The following SLC9C2 variants were observed in gnomAD, a reference collection of about 807,000 sequenced individuals.
The protein encoded by SLC9C2 is solute carrier family 9 member C2 (putative), also known as sodium/hydrogen exchanger 11.
A neutral mutation model predicts 140.2 loss-of-function variants in SLC9C2; 75 were observed. The ratio of observed to expected loss-of-function variants is 0.53; its 90% CI spans 0.44 to 0.65. SLC9C2 has a LOEUF of 0.65. Among genes scored for constraint, SLC9C2 ranks in the 30% least tolerant of loss-of-function variants. The pLI is 0.00. For synonymous variants in SLC9C2, 375 were observed against 420.9 expected, an observed-to-expected ratio of 0.89 and a Z score of 1.34; for missense variants, 1,074 against 1,331.8, an observed-to-expected ratio of 0.81 and a Z score of 3.01.
At chr1:173,548,917 C>G (rs1234046795) in intron 11 of SLC9C2, among the ~76,000 whole-genome samples, 1 of 152,138 alleles carries the variant, frequency 6.6e-6, no homozygotes, top group Non-Finnish European at 1.5e-5. Context: ...CACTCCATAC[C>G]TACAGAATCA....
chr1:173,517,547 G>C lies in SLC9C2; in HGVS notation c.2897C>G (p.Thr966Ser), dbSNP rs1352213464. 4 of 1,602,110 alleles carry C rather than the reference G, an allele frequency of 2.5e-6. No homozygotes were observed. Among genetic ancestry groups the C allele is most frequent in the Non-Finnish European group, 3.4e-6 (4 of 1,176,518 alleles). The change falls in exon 23 of 28, where the codon ACT becomes AGT. Residue 966 changes from threonine to serine, a missense_variant. Physicochemically the swap from Thr to Ser is moderately conservative, Grantham distance 58. Transcript: ENST00000367714. ...GAACCATTTTCCTACCTGTAAACTA[G>C]TTTCACAGATGACGGTATATTCAAT... ...REIEYTVICETSLQACFISLE... is the reference protein window; with the variant it reads ...REIEYTVICESSLQACFISLE...
chr1:173,535,247 C>T (rs902147468), intron 15 of SLC9C2, among the ~76,000 whole-genome samples: 7 of 152,194 alleles, frequency 4.6e-5, no homozygotes, highest in Non-Finnish European at 7.4e-5. Context: ...GCAGCATTAA[C>T]GCCCTTGGTA....
intron 17 of SLC9C2, 118 bp from the exon 18 acceptor site, chr1:173,530,172 G>A: frequency 1.1e-6 from 1 of 871,102 alleles, no homozygotes; most frequent in Non-Finnish European, 1.7e-6. Flanking sequence ...CCACAAACTT[G>A]TTAGGAATGC....
At position 173,521,402 on chromosome 1, in the gene SLC9C2, G is replaced by A. The variant is rs1206805382; in HGVS notation, c.2641-3C>T. 2.1e-6 allele frequency: 3 copies of A among 1,453,138 alleles called. No homozygotes were observed. Among genetic ancestry groups the A allele is most frequent in the South Asian group, 1.6e-5 (1 of 63,410 alleles). The allele number at this position is 1,453,138 out of a possible 1,614,324, so 90.0% of individuals were successfully genotyped here. On this transcript the variant is annotated splice_polypyrimidine_tract_variant and splice_region_variant and intron_variant, in intron 21 of 27. Coordinates refer to ENST00000367714, the MANE Select transcript of SLC9C2 (RefSeq NM_178527.4). ...AAACAGGCAAGTTTGGCTCTTTCCTGAGTGGGAAAAAAAAAAACGAAAAGA... is the reference window on the plus strand; with the variant it reads ...AAACAGGCAAGTTTGGCTCTTTCCTAAGTGGGAAAAAAAAAAACGAAAAGA...
Position 173,571,893 on chromosome 1 carries a change from A to G in SLC9C2, c.1046+1289T>C, listed in dbSNP as rs545971347. On this transcript the variant is annotated intron_variant, in intron 9 of 27. Coordinates refer to ENST00000367714, the MANE Select transcript of SLC9C2 (RefSeq NM_178527.4). ...AATCCTTTCATTATTCTGAAGCTTC[A>G]AAAGTTGTGTCTTATCCTGAGAAAA... 1.7e-3 allele frequency among the ~76,000 whole-genome samples: 264 copies of G among 152,312 alleles called. 1 individual carries two copies. The highest frequency in any genetic ancestry group is 5.7e-3 in the African/African-American group (237 of 41,586).
chr1:173,509,545 A>C (rs1424734554), intron 24 of SLC9C2, 23 bp downstream of exon 24: 1 of 1,479,504 alleles, frequency 6.8e-7, no homozygotes, highest in Admixed American at 2.8e-5. Context: ...TCAATTTATT[A>C]ATATTTTAAT....
chr1:173,514,381 G>A (rs12074796), intron 23 of SLC9C2, among the ~76,000 whole-genome samples: 1 of 152,122 alleles, frequency 6.6e-6, no homozygotes, highest in Non-Finnish European at 1.5e-5. Context: ...AGCTCTTCTT[G>A]TTGAATTGAT....
intron 3 of SLC9C2, 127 bp downstream of exon 3, chr1:173,599,990 C>T: frequency 1.9e-6 from 1 of 540,326 alleles, no homozygotes. Flanking sequence ...TTTTTAATAC[C>T]AGATAAAATT....
chr1:173,531,336 T>A (rs1661571195), intron 17 of SLC9C2, among the ~76,000 whole-genome samples: 1 of 152,142 alleles, frequency 6.6e-6, no homozygotes, highest in African/African-American at 2.4e-5. Context: ...TTTTGTAAAG[T>A]CCCTAATTAG....
chr1:173,501,948 T>C (rs542394685), intron 27 of SLC9C2, among the ~76,000 whole-genome samples: 3 of 152,212 alleles, frequency 2.0e-5, no homozygotes, highest in African/African-American at 7.2e-5. Flanking sequence ...GGTGGCTGTC[T>C]AGTTGGGGAT....
At chr1:173,533,554 A>G in intron 17 of SLC9C2, 55 bp downstream of exon 17, 1 of 1,349,372 alleles carries the variant, frequency 7.4e-7, no homozygotes, top group East Asian at 2.3e-5. Flanking sequence ...CTGGGATTAT[A>G]GGTGTGAGCT....
chr1:173,565,657 G>GT lies in SLC9C2; in HGVS notation c.1046+7524dup, dbSNP rs202204612. Among the ~76,000 whole-genome samples, 403 of 151,730 alleles carry GT rather than the reference G, an allele frequency of 2.7e-3. 2 individuals are homozygous for GT. The highest frequency in any genetic ancestry group is 0.018 in the East Asian group (91 of 5,174). On this transcript the variant is annotated intron_variant, in intron 9 of 27. Coordinates refer to ENST00000367714, the MANE Select transcript of SLC9C2 (RefSeq NM_178527.4). The stretch of plus-strand genomic sequence containing the variant: ...TAAGTAATGTGATTCCTCCACTTTT[G>GT]TTTTTTTTGCTCAGATTACCTTTGG...
At chr1:173,541,236 C>G (rs1190855017) in intron 13 of SLC9C2, among the ~76,000 whole-genome samples, 1 of 150,626 alleles carries the variant, frequency 6.6e-6, no homozygotes, top group Non-Finnish European at 1.5e-5. Flanking sequence ...AGACTTTAAA[C>G]CAACAAACAT....
At chr1:173,539,424 GAT>G (rs1662211592) in intron 13 of SLC9C2, among the ~76,000 whole-genome samples, 1 of 152,194 alleles carries the variant, frequency 6.6e-6, no homozygotes, top group African/African-American at 2.4e-5. Flanking sequence ...CTTGGAGAAG[GAT>G]AGAGGAAGAG....
intron 7 of SLC9C2, among the ~76,000 whole-genome samples, chr1:173,577,679 A>G (rs1259904071): frequency 1.3e-5 from 2 of 152,232 alleles, no homozygotes; most frequent in Non-Finnish European, 2.9e-5. Flanking sequence ...TATGACTCAT[A>G]CAGTTGTGAA....
At chr1:173,513,577 T>C (rs1558016963) in intron 23 of SLC9C2, among the ~76,000 whole-genome samples, 1 of 152,170 alleles carries the variant, frequency 6.6e-6, no homozygotes, top group Non-Finnish European at 1.5e-5. Context: ...TAGCGGTCTA[T>C]TTTGTTAATT....
At chr1:173,601,614 G>A in intron 2 of SLC9C2, 36 bp downstream of exon 2, 1 of 1,606,652 alleles carries the variant, frequency 6.2e-7, no homozygotes, top group Non-Finnish European at 8.5e-7. Context: ...GGTTCACAGG[G>A]CAGAGGAAAG....
At chr1:173,601,308 C>A (rs1666769640) in intron 2 of SLC9C2, among the ~76,000 whole-genome samples, 1 of 152,182 alleles carries the variant, frequency 6.6e-6, no homozygotes, top group Non-Finnish European at 1.5e-5. Flanking sequence ...AGCTCTTCCT[C>A]CTCCTTGTGA....
At chr1:173,555,735 C>T (rs1663637183) in intron 10 of SLC9C2, among the ~76,000 whole-genome samples, 1 of 152,110 alleles carries the variant, frequency 6.6e-6, no homozygotes, top group Non-Finnish European at 1.5e-5. Context: ...GTTATTTGAA[C>T]TCAAAATTCA....
Sources: gnomAD v4.1 joint callset for allele counts (sites outside exome capture counted in the v4.1 genomes callset) on GRCh38, gnomAD v4.1.1 for gene constraint, MANE v1.5 for transcripts, NCBI Gene and HGNC (gene_info 2026-07-23, HGNC 2026-07-21) for gene names.